Variants in WWOX observed in about 807,000 individuals in gnomAD.
WWOX encodes WW domain containing oxidoreductase.
A neutral mutation model predicts 46.2 loss-of-function variants in WWOX; 69 were observed. The ratio of observed to expected loss-of-function variants is 1.49; its 90% CI spans 1.23 to 1.82. WWOX has a LOEUF of 1.82. WWOX is among the 40% of genes most tolerant of loss of function. The pLI is 0.00. For synonymous variants in WWOX, 359 were observed against 202.6 expected (o/e 1.77, Z -6.56); for missense variants, 919 against 542.6 (o/e 1.69, Z -6.89).
chr16:78,985,175 G>A (rs1443984574), intron 8 of WWOX, among the ~76,000 whole-genome samples: 1 of 152,172 alleles, frequency 6.6e-6, no homozygotes, highest in Admixed American at 6.5e-5. Context: ...CATGACATCG[G>A]CATGCGATTT....
chr16:78,801,456 C>A (rs1402197493), intron 8 of WWOX, among the ~76,000 whole-genome samples: 1 of 152,150 alleles, frequency 6.6e-6, no homozygotes, highest in Non-Finnish European at 1.5e-5. Flanking sequence ...TTGCAGTAAG[C>A]TGATATCATG....
chr16:79,209,939 G>C (rs958230778), intron 8 of WWOX, among the ~76,000 whole-genome samples: 5 of 152,214 alleles, frequency 3.3e-5, no homozygotes, highest in African/African-American at 1.2e-4. Flanking sequence ...AATGGGAAAA[G>C]AAACAGCTGA....
intron 6 of WWOX, among the ~76,000 whole-genome samples, chr16:78,415,923 C>T (rs1463612544): frequency 6.6e-6 from 1 of 152,178 alleles, no homozygotes; most frequent in Non-Finnish European, 1.5e-5. Context: ...AGCATCCCCA[C>T]AGTCAGCAGA....
chr16:78,387,263 C>A (rs1018837841), intron 6 of WWOX, among the ~76,000 whole-genome samples: 1 of 152,090 alleles, frequency 6.6e-6, no homozygotes, highest in Non-Finnish European at 1.5e-5. Flanking sequence ...TTTTGTAGTG[C>A]ATTTCAGAAT....
At chr16:78,879,291 G>T (rs939343708) in intron 8 of WWOX, among the ~76,000 whole-genome samples, 4 of 152,156 alleles carry the variant, frequency 2.6e-5, no homozygotes. Context: ...ATCTCAGTAT[G>T]AGACACCGTA....
intron 8 of WWOX, among the ~76,000 whole-genome samples, chr16:78,967,728 G>T (rs2046389568): frequency 6.6e-6 from 1 of 152,082 alleles, no homozygotes; most frequent in South Asian, 2.1e-4. Context: ...TGAACGGTCA[G>T]GACCTGACTT....
At chr16:78,378,234 A>G (rs1251188221) in intron 5 of WWOX, among the ~76,000 whole-genome samples, 1 of 152,174 alleles carries the variant, frequency 6.6e-6, no homozygotes. Flanking sequence ...TTAAAAGCAA[A>G]GTGATAAAAT....
intron 8 of WWOX, among the ~76,000 whole-genome samples, chr16:78,807,301 A>G (rs1339983276): frequency 1.3e-5 from 2 of 152,242 alleles, no homozygotes; most frequent in African/African-American, 2.4e-5. Flanking sequence ...CACAATGTCA[A>G]AATACTTAAA....
At chr16:78,976,758 C>T (rs1056534580) in intron 8 of WWOX, among the ~76,000 whole-genome samples, 4 of 152,218 alleles carry the variant, frequency 2.6e-5, no homozygotes, top group Non-Finnish European at 5.9e-5. Flanking sequence ...CTTTTTACTG[C>T]AACTACCGTT....
intron 8 of WWOX, among the ~76,000 whole-genome samples, chr16:79,012,269 G>T (rs2151377497): frequency 6.6e-6 from 1 of 152,106 alleles, no homozygotes; most frequent in South Asian, 2.1e-4. Flanking sequence ...GCCTCGCTCT[G>T]TCACCTAGGC....
chr16:79,114,776 A>G (rs1597388028), intron 8 of WWOX, among the ~76,000 whole-genome samples: 3 of 152,154 alleles, frequency 2.0e-5, no homozygotes, highest in Admixed American at 2.0e-4. Flanking sequence ...AGCCAAGTAA[A>G]CCAGCTGCCC....
chr16:78,831,209 C>T (rs1269445270), intron 8 of WWOX, among the ~76,000 whole-genome samples: 2 of 139,326 alleles, frequency 1.4e-5, no homozygotes, highest in African/African-American at 2.7e-5. Flanking sequence ...CTGTGACTTT[C>T]GAGGTCATGT....
intron 8 of WWOX, among the ~76,000 whole-genome samples, chr16:79,130,323 A>G (rs1346916244): frequency 5.3e-5 from 8 of 152,222 alleles, no homozygotes; most frequent in Admixed American, 5.2e-4. Context: ...TTTTCATTGG[A>G]TAATTAAATA....
At chr16:78,595,316 A>G (rs776860989) in intron 8 of WWOX, among the ~76,000 whole-genome samples, 2 of 151,476 alleles carry the variant, frequency 1.3e-5, no homozygotes, top group African/African-American at 2.4e-5. Flanking sequence ...TTTCCTGAAT[A>G]TGGAACCAAA....
At chr16:78,668,008 G>A (rs1486105677) in intron 8 of WWOX, among the ~76,000 whole-genome samples, 1 of 152,152 alleles carries the variant, frequency 6.6e-6, no homozygotes, top group Non-Finnish European at 1.5e-5. Context: ...GCTGGGTGCG[G>A]TGGCTCACAC....
intron 8 of WWOX, among the ~76,000 whole-genome samples, chr16:78,841,763 C>G (rs920108293): frequency 6.6e-6 from 1 of 152,024 alleles, no homozygotes; most frequent in Non-Finnish European, 1.5e-5. Context: ...ATTTTATTGT[C>G]AATTATGTTT....
At chr16:78,151,710 T>C (rs776852279) in intron 4 of WWOX, among the ~76,000 whole-genome samples, 1 of 152,346 alleles carries the variant, frequency 6.6e-6, no homozygotes, top group Admixed American at 6.5e-5. Context: ...TATTTTTAGT[T>C]TCTTCCTATA....
intron 8 of WWOX, among the ~76,000 whole-genome samples, chr16:78,559,949 G>A (rs911346505): frequency 6.6e-6 from 1 of 152,116 alleles, no homozygotes; most frequent in African/African-American, 2.4e-5. Flanking sequence ...CTGAATCTAC[G>A]TTTTTCTATT....
rs569509191 is a variant in WWOX at position 78,148,879 on chromosome 16, C to A, written c.410-15304C>A. 1.3e-3 allele frequency among the ~76,000 whole-genome samples: 135 copies of A among 104,634 alleles called. No homozygotes were observed. The South Asian group carries it at 0.014, about 11-fold the overall frequency. 68.6% of individuals were successfully genotyped at this position (104,634 alleles called of 152,430 possible). ...CGCCACTGCACTCCAGCCTGGGCGA[C>A]AGAGCAAGACTCCGTCTCAAAAAAA... On this transcript the variant is annotated intron_variant, in intron 4 of 8. Transcript: ENST00000566780.
Sources: allele counts gnomAD v4.1 joint callset (sites outside exome capture counted in the v4.1 genomes callset), GRCh38; gene constraint gnomAD v4.1.1; transcripts MANE v1.5; gene names NCBI Gene and HGNC (gene_info 2026-07-23, HGNC 2026-07-21).